DDX17: variants seen among roughly 807,000 people sequenced by gnomAD.
DDX17 encodes probable ATP-dependent RNA helicase DDX17.
In DDX17, 10 loss-of-function variants were observed where a neutral mutation model predicts 80.8. The observed-to-expected ratio is 0.12, with a 90% confidence interval of 0.08 to 0.21. The LOEUF is 0.21. DDX17 is among the 10% of genes least tolerant of loss of function. DDX17 has a pLI of 1.00. For missense variants in DDX17, 586 were observed against 957.4 expected (o/e 0.61, Z 5.12); for synonymous variants, 339 against 336.2 (o/e 1.01, Z -0.09).
intron 12 of DDX17, among the ~76,000 whole-genome samples, chr22:38,487,473 G>C (rs1036628462): frequency 3.3e-5 from 5 of 152,178 alleles, no homozygotes; most frequent in Admixed American, 6.5e-5. Context: ...ACAAAAATTA[G>C]CAGGGTGTGC....
In DDX17 at chr22:38,501,277, A is replaced by C. The variant is rs755286189; in HGVS notation, c.291T>G (p.Phe97Leu). 1 of 1,605,836 alleles carries C rather than the reference A, an allele frequency of 6.2e-7. No homozygotes were observed. Among genetic ancestry groups the C allele is most frequent in the Non-Finnish European group, 8.5e-7 (1 of 1,176,994 alleles). ...GAAGGCCACCACCACCTCTTGCTCC[A>C]AATCTAGGAACAGAATTTTTAGTTA... The change falls in exon 2 of 13, where the codon TTT becomes TTG. Residue 97 changes from phenylalanine to leucine, a missense_variant. Phe to Leu is a conservative substitution (Grantham distance 22, BLOSUM62 0). This residue lies in a region of DDX17 where 215 missense variants were observed against 238.4 expected (regional missense o/e 0.90). Coordinates refer to ENST00000403230, the MANE Select transcript of DDX17 (RefSeq NM_006386.5).
rs763989306 is a variant in DDX17 at position 38,499,475 on chromosome 22, T to G, written c.463A>C (p.Lys155Gln). The stretch of plus-strand genomic sequence containing the variant: ...CCCCCCCTCACTGTAATCTCCTTCT[T>G]TCGGCGTAGCTCATCAACCTCATAC... The change falls in exon 3 of 13, where the codon AAG (lysine) becomes CAG (glutamine). Residue 155 changes from lysine to glutamine, a missense_variant. By Grantham distance (53) the Lys-to-Gln change is moderately conservative. Transcript: ENST00000403230. 6.2e-7 allele frequency: 1 copy of G among 1,613,816 alleles called. No individual in the cohort carries two copies.
chr22:38,500,095 G>T (rs2089812489), intron 2 of DDX17, among the ~76,000 whole-genome samples: 1 of 149,574 alleles, frequency 6.7e-6, no homozygotes, highest in Admixed American at 6.7e-5. Flanking sequence ...AGAATTGCTT[G>T]AACCTGGGAG....
At chr22:38,487,281 G>C (rs996790871) in intron 12 of DDX17, among the ~76,000 whole-genome samples, 5 of 151,970 alleles carry the variant, frequency 3.3e-5, no homozygotes, top group African/African-American at 1.2e-4. Flanking sequence ...GATCACCAGA[G>C]GTCAGGAGTT....
Position 38,492,131 on chromosome 22 carries a change from A to G in DDX17, c.1388-16T>C. On this transcript the variant is annotated splice_polypyrimidine_tract_variant and intron_variant, in intron 10 of 12. Coordinates refer to ENST00000403230, the MANE Select transcript of DDX17 (RefSeq NM_006386.5). The stretch of plus-strand genomic sequence containing the variant: ...GAACGGAACTCTGTAAAAACAAACA[A>G]TAATCATCATCAAATAAGCATTCCT... 1 of 1,601,826 alleles carries G rather than the reference A, an allele frequency of 6.2e-7. No individual in the cohort carries two copies. Among genetic ancestry groups the G allele is most frequent in the South Asian group, 1.1e-5 (1 of 88,982 alleles).
intron 10 of DDX17, 136 bp from the exon 11 acceptor site, chr22:38,492,251 A>G (rs906486426): frequency 2.1e-4 from 135 of 640,432 alleles, no homozygotes; most frequent in Non-Finnish European, 3.1e-4. Flanking sequence ...GATTCTTTTG[A>G]AAATCTTTAT....
chr22:38,493,795 A>G, intron 9 of DDX17, 24 bp from the exon 10 acceptor site: 3 of 1,605,396 alleles, frequency 1.9e-6, no homozygotes, highest in Non-Finnish European at 2.6e-6. Context: ...AGTGACCAAT[A>G]TTTTAAAAAT....
intron 3 of DDX17, 38 bp downstream of exon 3, chr22:38,499,362 A>C (rs1569141979): frequency 6.5e-7 from 1 of 1,537,626 alleles, no homozygotes; most frequent in East Asian, 2.2e-5. Context: ...ATTCAACCCA[A>C]TTTAACAAAT....
intron 1 of DDX17, among the ~76,000 whole-genome samples, chr22:38,502,228 T>C (rs1001862438): frequency 1.2e-4 from 19 of 152,100 alleles, no homozygotes; most frequent in African/African-American, 4.1e-4. Flanking sequence ...CTGGCCAATA[T>C]AGTGAAACCC....
rs921219410 is a variant in DDX17, at chr22:38,497,174, T to C, written c.738+911A>G. Among the ~76,000 whole-genome samples, 4 of 150,814 alleles carry C rather than the reference T, an allele frequency of 2.7e-5. No homozygotes were observed. In the South Asian group the frequency reaches 6.3e-4, roughly 24 times the overall value. ...AGCTGGGTGTGGCGGCGCATGCCTG[T>C]AATCCCAGCTGCTTGGGAAGCCGAG... is the stretch of plus-strand genomic sequence containing the variant. On this transcript the variant is annotated intron_variant, in intron 5 of 12. Transcript: ENST00000403230.
chr22:38,487,991 T>G lies in DDX17; in HGVS notation c.1572A>C (p.Pro524=), dbSNP rs2145686336. Residue 524 remains proline (P), a synonymous_variant, in exon 12 of 13, where the codon CCA becomes CCC. Coordinates refer to ENST00000403230, the MANE Select transcript of DDX17 (RefSeq NM_006386.5). ...GCTCTCTGGCCTGTTTTAGGTTCCC[T>G]GGGGTGAAGAAGGTATAGGCGGTAC... 6.2e-7 allele frequency: 1 copy of G among 1,614,232 alleles called. No homozygotes were observed. Among genetic ancestry groups the G allele is most frequent in the East Asian group, 2.2e-5 (1 of 44,882 alleles).
In DDX17 at chr22:38,495,000, C is replaced by T; in HGVS notation, c.927G>A (p.Leu309=). The change falls in exon 7 of 13, where the codon CTG becomes CTA. Residue 309 remains leucine (L), a synonymous_variant. Coordinates refer to ENST00000403230, the MANE Select transcript of DDX17 (RefSeq NM_006386.5). Reference sequence around the variant, plus strand: ...GGCGAAGATTTGTCTTTCCTGACTCCAGGAAATCTATCAGACGTCCAGGAG... The same window carrying T: ...GGCGAAGATTTGTCTTTCCTGACTCTAGGAAATCTATCAGACGTCCAGGAG... The T allele has an allele frequency of 2.5e-6, 4 of 1,614,112 alleles. No homozygotes were observed. Among genetic ancestry groups the T allele is most frequent in the Non-Finnish European group, 2.5e-6 (3 of 1,180,032 alleles).
At position 38,493,929 on chromosome 22, in the gene DDX17, T is replaced by C. The variant is rs1313975277; in HGVS notation, c.1325+92A>G. ...AAGAGCAAACTGCATGGATAGGCAT[T>C]ATTGAAATATTACACAACATTTGGA... On this transcript the variant is annotated intron_variant, in intron 9 of 12. Transcript: ENST00000403230. 4.1e-6 allele frequency: 5 copies of C among 1,213,118 alleles called. No individual in the cohort carries two copies. The Admixed American group carries it at 9.5e-5, about 23-fold the overall frequency. The allele number at this position is 1,213,118 out of a possible 1,614,324, so 75.1% of individuals were successfully genotyped here.
intron 1 of DDX17, among the ~76,000 whole-genome samples, chr22:38,503,234 A>C (rs552809576): frequency 6.6e-6 from 1 of 152,226 alleles, no homozygotes; most frequent in Non-Finnish European, 1.5e-5. Context: ...CCACACTTGC[A>C]AATGAAGCAG....
At chr22:38,502,976 T>A (rs532319673) in intron 1 of DDX17, among the ~76,000 whole-genome samples, 1 of 152,296 alleles carries the variant, frequency 6.6e-6, no homozygotes, top group East Asian at 1.9e-4. Flanking sequence ...CAGACATTCC[T>A]CTAAATACAT....
At position 38,485,004 on chromosome 22, in the gene DDX17, G is replaced by T. The variant is rs185360151; in HGVS notation, c.*931C>A. The T allele has an allele frequency of 2.6e-5, 4 of 152,240 alleles. No homozygotes were observed. The East Asian group carries it at 5.8e-4, about 22-fold the overall frequency. The allele number at this position is 152,240 out of a possible 1,614,324, so 9.4% of individuals were successfully genotyped here. ...AAAATTTGCCCATTTTGAATATATT[G>T]TTTATAATTAAATGTGCTTTTTACA... On this transcript the variant is annotated 3_prime_UTR_variant, in exon 13 of 13. Transcript: ENST00000403230.
At chr22:38,493,198 C>CT (rs946513201) in intron 10 of DDX17, among the ~76,000 whole-genome samples, 3 of 152,250 alleles carry the variant, frequency 2.0e-5, no homozygotes, top group African/African-American at 7.2e-5. Context: ...ACGTTTATCT[C>CT]TTTGAGACAG....
rs1328502917 is a variant in DDX17, at chr22:38,485,692, A to ATT, written c.*242_*243insAA. On this transcript the variant is annotated 3_prime_UTR_variant, in exon 13 of 13. Transcript: ENST00000403230. Reference sequence around the variant, plus strand: ...TCCAGTCAGCTATATATATATATATATATTTTTTTTTTTTTTACAAAATGT... The same window carrying ATT: ...TCCAGTCAGCTATATATATATATATATTTATTTTTTTTTTTTTTACAAAATGT... 5 of 63,590 alleles carry ATT rather than the reference A, an allele frequency of 7.9e-5. No individual in the cohort carries two copies. The highest frequency in any genetic ancestry group is 3.3e-4 in the African/African-American group (5 of 15,346). The allele number at this position is 63,590 out of a possible 1,614,324, so 3.9% of individuals were successfully genotyped here.
chr22:38,505,746 A>G, intron 1 of DDX17: 2 of 597,414 alleles, frequency 3.3e-6, no homozygotes, highest in Non-Finnish European at 5.6e-6. Flanking sequence ...GGAGAGGCCC[A>G]GCGTCGCCAA....
Sources: gnomAD v4.1 joint callset for allele counts (sites outside exome capture counted in the v4.1 genomes callset) on GRCh38, gnomAD v4.1.1 for gene constraint, gnomAD v4.1.1 regional missense constraint, MANE v1.5 for transcripts, NCBI Gene and HGNC (gene_info 2026-07-23, HGNC 2026-07-21) for gene names.